Variants in ABCA10 observed in about 807,000 individuals in gnomAD.
ABCA10 encodes the protein ATP binding cassette subfamily A member 10.
A neutral mutation model predicts 187.5 loss-of-function variants in ABCA10; 169 were observed. The observed-to-expected ratio is 0.90, with a 90% CI of 0.80 to 1.02. ABCA10 has a LOEUF of 1.02. Among genes scored for constraint, ABCA10 ranks in the 50% least tolerant of loss-of-function variants. The pLI, the probability that ABCA10 is intolerant of heterozygous loss-of-function variation, is 0.00. For missense variants in ABCA10, 1,727 were observed against 1,812.4 expected (o/e 0.95, Z 0.86); for synonymous variants, 574 against 601.8 (o/e 0.95, Z 0.68).
At chr17:69,187,656 A>G in intron 19 of ABCA10, 25 bp downstream of exon 19, 2 of 1,597,582 alleles carry the variant, frequency 1.3e-6, no homozygotes, top group Non-Finnish European at 8.6e-7. Flanking sequence ...CTGACCAAAT[A>G]GATATAAAGT....
chr17:69,201,713 A>T (rs139050388), intron 9 of ABCA10, 45 bp from the exon 10 acceptor site: 1 of 1,422,956 alleles, frequency 7.0e-7, no homozygotes, highest in African/African-American at 1.4e-5. Context: ...ATTATACCAC[A>T]CCAATAAAAA....
At chr17:69,194,313 A>T in intron 12 of ABCA10, 72 bp downstream of exon 12, 1 of 1,304,400 alleles carries the variant, frequency 7.7e-7, no homozygotes, top group Non-Finnish European at 1.1e-6. Flanking sequence ...TTAGAGAAAC[A>T]TTTTTTACAT....
chr17:69,151,820 T>G (rs902365809), intron 36 of ABCA10, among the ~76,000 whole-genome samples: 3 of 152,188 alleles, frequency 2.0e-5, no homozygotes, highest in African/African-American at 7.2e-5. Flanking sequence ...CACACATATA[T>G]GAATGCACAC....
At chr17:69,182,350 T>A (rs1051310450) in intron 21 of ABCA10, 60 bp from the exon 22 acceptor site, 5 of 1,242,580 alleles carry the variant, frequency 4.0e-6, no homozygotes, top group Non-Finnish European at 5.3e-6. Flanking sequence ...ATTTATTGTA[T>A]ACTTTGTATA....
At chr17:69,239,424 G>C (rs1342208401) in intron 1 of ABCA10, among the ~76,000 whole-genome samples, 1 of 152,204 alleles carries the variant, frequency 6.6e-6, no homozygotes, top group African/African-American at 2.4e-5. Context: ...TAAGAAATCA[G>C]ATCAGGGGCC....
intron 1 of ABCA10, among the ~76,000 whole-genome samples, chr17:69,243,052 G>A (rs1408008110): frequency 6.6e-6 from 1 of 152,128 alleles, no homozygotes; most frequent in Admixed American, 6.5e-5. Context: ...GATACCCCTT[G>A]ATCAGTCCCA....
chr17:69,219,710 A>AT lies in ABCA10; in HGVS notation c.364dup (p.Ile122AsnfsTer7). On this transcript the variant is annotated frameshift_variant, in exon 6 of 39. Transcript: ENST00000690296. LOFTEE classifies it high-confidence loss of function. ...TTCTCCCTTAGAAATGAAAGGTGGT[A>AT]TCTTCATATTTATTCCAATAACTGA... The AT allele has an allele frequency of 6.2e-7, 1 of 1,611,432 alleles. No individual in the cohort carries two copies. The highest frequency in any genetic ancestry group is 8.5e-7 in the Non-Finnish European group (1 of 1,178,894).
chr17:69,174,700 A>C lies in ABCA10; in HGVS notation c.2955T>G (p.Ile985Met), dbSNP rs762283350. Reference protein sequence around the residue: ...AYWCGQALVDIPLYFLILFSI... With the variant: ...AYWCGQALVDMPLYFLILFSI... The stretch of plus-strand genomic sequence containing the variant: ...AAAAGAGAATCAAGAAGTATAATGG[A>C]ATGTCCACCAGAGCCTGTCCACACC... Residue 985 changes from isoleucine (I) to methionine (M), a missense_variant, in exon 24 of 39, where the codon ATT becomes ATG. Transcript: ENST00000690296. 25 of 1,612,356 alleles carry C rather than the reference A, an allele frequency of 1.6e-5. No individual in the cohort carries two copies. The Admixed American group carries it at 2.2e-4, about 14-fold the overall frequency.
Position 69,191,310 on chromosome 17 carries a change from T to G in ABCA10, c.1877A>C (p.His626Pro). The change falls in exon 17 of 39, where the codon CAC becomes CCC. Residue 626 changes from histidine to proline, a missense_variant. Physicochemically the swap from His to Pro is moderately conservative, Grantham distance 77. Coordinates refer to ENST00000690296, the MANE Select transcript of ABCA10 (RefSeq NM_001377321.1). Reference sequence around the variant, plus strand: ...TTCTGTGTCACACATTTCATTCCTGTGTAAACTATTATTTCAAAAGAGCCA... The same window carrying G: ...TTCTGTGTCACACATTTCATTCCTGGGTAAACTATTATTTCAAAAGAGCCA... ...KWGIGYHLSLHRNEMCDTEKI... is the reference protein window; with the variant it reads ...KWGIGYHLSLPRNEMCDTEKI... 1 of 1,548,444 alleles carries G rather than the reference T, an allele frequency of 6.5e-7. No individual in the cohort carries two copies. The highest frequency in any genetic ancestry group is 8.7e-7 in the Non-Finnish European group (1 of 1,143,812).
chr17:69,214,827 TTAAG>T lies in ABCA10; in HGVS notation c.879_882del (p.Tyr293Ter), dbSNP rs2074690833. The T allele has an allele frequency of 2.0e-6, 3 of 1,502,764 alleles. No homozygotes were observed. Among genetic ancestry groups the T allele is most frequent in the Non-Finnish European group, 1.8e-6 (2 of 1,129,312 alleles). 93.1% of individuals were successfully genotyped at this position (1,502,764 alleles called of 1,614,324 possible). On this transcript the variant is annotated frameshift_variant, in exon 9 of 39. Transcript: ENST00000690296. LOFTEE classifies it high-confidence loss of function. ...GAGGGATCAGGAAAAATAACACCAC[TTAAG>T]TAATTATCCAGGTGTGTAATCTGAG... is the stretch of plus-strand genomic sequence containing the variant.
intron 22 of ABCA10, among the ~76,000 whole-genome samples, chr17:69,176,682 G>A (rs2074336533): frequency 6.6e-6 from 1 of 152,174 alleles, no homozygotes; most frequent in East Asian, 1.9e-4. Context: ...AATATTAAAT[G>A]GGCCAATGTC....
At position 69,193,757 on chromosome 17, in the gene ABCA10, AT is replaced by A. The variant is rs573844764; in HGVS notation, c.1521+56del. The A allele has an allele frequency of 3.3e-4, 525 of 1,582,140 alleles. 3 individuals are homozygous for A. The African/African-American group carries it at 6.3e-3, about 19-fold the overall frequency. ...GTAGAGTAATAGCTGAACAAAAAAA[AT>A]ATATAGTCAAAAGTAAATTATTTCC... On this transcript the variant is annotated intron_variant, in intron 13 of 38. Transcript: ENST00000690296.
intron 27 of ABCA10, among the ~76,000 whole-genome samples, chr17:69,159,275 AATG>A (rs1287189221): frequency 6.6e-6 from 1 of 152,090 alleles, no homozygotes; most frequent in African/African-American, 2.4e-5. Flanking sequence ...CAGAAAGAAA[AATG>A]ATGAGCAATA....
At chr17:69,160,505 G>A (rs1055545609) in intron 27 of ABCA10, among the ~76,000 whole-genome samples, 2 of 152,100 alleles carry the variant, frequency 1.3e-5, no homozygotes, top group African/African-American at 4.8e-5. Context: ...TATTCAGGAG[G>A]CTGAAGCAGG....
chr17:69,155,799 G>A lies in ABCA10; in HGVS notation c.3576+6C>T, dbSNP rs201062303. ...TTTTATTAAGGGTCTAATCCCTGCT[G>A]TTCACCTCCTCCAAGTTTGGAGCAG... On this transcript the variant is annotated splice_donor_region_variant and intron_variant, in intron 29 of 38. Transcript: ENST00000690296. 6.0e-4 allele frequency: 975 copies of A among 1,613,330 alleles called. 15 individuals carry two copies. The South Asian group carries it at 0.01, about 17-fold the overall frequency.
intron 19 of ABCA10, among the ~76,000 whole-genome samples, chr17:69,186,157 G>A (rs1385822898): frequency 6.6e-6 from 1 of 152,004 alleles, no homozygotes; most frequent in Non-Finnish European, 1.5e-5. Context: ...AACTCAAATT[G>A]CAAGTGAAAT....
chr17:69,174,946 G>T (rs566631636), intron 23 of ABCA10, among the ~76,000 whole-genome samples, 169 bp from the exon 24 acceptor site: 82 of 152,214 alleles, frequency 5.4e-4, no homozygotes, highest in African/African-American at 1.9e-3. Flanking sequence ...TGTAGTTATT[G>T]GTTCAACAGA....
chr17:69,196,079 C>G (rs2074498187), intron 11 of ABCA10, among the ~76,000 whole-genome samples: 1 of 152,224 alleles, frequency 6.6e-6, no homozygotes, highest in African/African-American at 2.4e-5. Flanking sequence ...CTGGGTACAC[C>G]TCCCAGAGCG....
upstream of ABCA10, among the ~76,000 whole-genome samples, chr17:69,230,860 T>C (rs1203544823): frequency 6.6e-6 from 1 of 152,170 alleles, no homozygotes; most frequent in East Asian, 1.9e-4. Flanking sequence ...TTTTATTTTA[T>C]TGTTAATTTC....
Sources: gnomAD v4.1 joint callset for allele counts (sites outside exome capture counted in the v4.1 genomes callset) on GRCh38, gnomAD v4.1.1 for gene constraint, MANE v1.5 for transcripts, NCBI Gene and HGNC (gene_info 2026-07-23, HGNC 2026-07-21) for gene names.